The following DEPDC5 variants were observed in gnomAD, a reference collection of about 807,000 sequenced individuals.
DEPDC5 encodes GATOR1 complex protein DEPDC5.
A neutral mutation model predicts 217.3 loss-of-function variants in DEPDC5; 73 were observed. The observed-to-expected ratio is 0.34, with a 90% CI of 0.28 to 0.41. The LOEUF (loss-of-function observed/expected upper bound fraction) is 0.41, where lower values mean the gene tolerates loss of function less well. Ranked by LOEUF, DEPDC5 falls within the 10% of genes least tolerant of loss-of-function variation. DEPDC5 has a pLI of 1.00. For synonymous variants in DEPDC5, 733 were observed against 756.7 expected (o/e 0.97, Z 0.51); for missense variants, 1,675 against 2,070.1 (o/e 0.81, Z 3.70).
At chr22:31,819,315 C>T in intron 22 of DEPDC5, 90 bp downstream of exon 22, 2 of 1,383,630 alleles carry the variant, frequency 1.4e-6, no homozygotes, top group South Asian at 1.2e-5. Flanking sequence ...TGGTCAGGTG[C>T]CTCTGTTGCT....
Position 31,838,787 on chromosome 22 carries a change from A to G in DEPDC5, c.2457A>G (p.Thr819=). The part of the protein sequence containing the change: ...QGYQIIVQPK[T]QKPNPAVPPP... ...ACCAAATCATAGTGCAGCCCAAGAC[A>G]CAGAAACCCAATCCTGCTGTCCCGC... Residue 819 remains threonine (T), a synonymous_variant, in exon 27 of 43, where the codon ACA becomes ACG. Coordinates refer to ENST00000651528, the MANE Select transcript of DEPDC5 (RefSeq NM_001242896.3). 3 of 1,614,104 alleles carry G rather than the reference A, an allele frequency of 1.9e-6. No individual in the cohort carries two copies. Among genetic ancestry groups the G allele is most frequent in the Non-Finnish European group, 2.5e-6 (3 of 1,179,994 alleles).
intron 37 of DEPDC5, among the ~76,000 whole-genome samples, chr22:31,876,823 A>G (rs909950360): frequency 3.3e-5 from 5 of 152,200 alleles, no homozygotes; most frequent in Non-Finnish European, 5.9e-5. Flanking sequence ...TAGCGTGGTC[A>G]GAGCTGACTC....
At chr22:31,836,930 A>G (rs1479812461) in intron 25 of DEPDC5, 42 bp from the exon 26 acceptor site, 1 of 1,065,926 alleles carries the variant, frequency 9.4e-7, no homozygotes, top group Non-Finnish European at 1.2e-6. Flanking sequence ...CACACTTGCC[A>G]TGGTGACCAC....
At position 31,784,871 on chromosome 22, in the gene DEPDC5, G is replaced by T; in HGVS notation, c.620G>T (p.Trp207Leu). Residue 207 changes from tryptophan (W) to leucine (L), a missense_variant, in exon 10 of 43, where the codon TGG (tryptophan) becomes TTG (leucine). Transcript: ENST00000651528. ...TTCCTTGCTGATCTATTTACCAAGT[G>T]GAAGGTACATTTCTTCTTACACACT... The part of the protein sequence containing the change: ...NGFLADLFTK[W>L]KEKNCSHEVT... 6.2e-7 allele frequency: 1 copy of T among 1,612,268 alleles called. No homozygotes were observed.
chr22:31,893,533 C>T, intron 38 of DEPDC5, 49 bp from the exon 39 acceptor site: 1 of 1,458,626 alleles, frequency 6.9e-7, no homozygotes, highest in Non-Finnish European at 9.1e-7. Context: ...TCTTCTTCAT[C>T]CCACTCCTTT....
At chr22:31,779,046 G>C (rs1002519923) in intron 8 of DEPDC5, among the ~76,000 whole-genome samples, 2 of 152,092 alleles carry the variant, frequency 1.3e-5, no homozygotes, top group Non-Finnish European at 2.9e-5. Context: ...TGCATTGTGG[G>C]ATGGTTAGCA....
At chr22:31,780,994 T>C (rs1311949647) in intron 8 of DEPDC5, among the ~76,000 whole-genome samples, 2 of 151,804 alleles carry the variant, frequency 1.3e-5, no homozygotes, top group Non-Finnish European at 2.9e-5. Flanking sequence ...AGGCAGGTGG[T>C]TCACCTGATG....
At chr22:31,780,897 T>A (rs1258984889) in intron 8 of DEPDC5, among the ~76,000 whole-genome samples, 1 of 152,122 alleles carries the variant, frequency 6.6e-6, no homozygotes, top group African/African-American at 2.4e-5. Context: ...TGGAGTGAAA[T>A]ATTAGATAGG....
At chr22:31,889,696 A>C (rs1462106769) in intron 38 of DEPDC5, among the ~76,000 whole-genome samples, 2 of 151,814 alleles carry the variant, frequency 1.3e-5, no homozygotes, top group Non-Finnish European at 2.9e-5. Context: ...ACCCGCCACC[A>C]TGCCCGGCTA....
chr22:31,898,873 C>T (rs969138128), intron 40 of DEPDC5, among the ~76,000 whole-genome samples: 4 of 152,226 alleles, frequency 2.6e-5, no homozygotes, highest in African/African-American at 9.6e-5. Context: ...CCTTGAAACA[C>T]ACATGTTCTT....
At chr22:31,792,184 T>C (rs958058116) in intron 11 of DEPDC5, 82 bp downstream of exon 11, 4 of 1,053,994 alleles carry the variant, frequency 3.8e-6, no homozygotes, top group South Asian at 1.3e-5. Flanking sequence ...TTCATTTTTT[T>C]CCTCGTTGCA....
intron 40 of DEPDC5, among the ~76,000 whole-genome samples, chr22:31,900,292 C>A (rs1015468422): frequency 6.6e-6 from 1 of 151,962 alleles, no homozygotes; most frequent in African/African-American, 2.4e-5. Flanking sequence ...GGTGATCCAC[C>A]CACCTCAGCC....
chr22:31,888,509 C>T (rs1274465439), intron 38 of DEPDC5, among the ~76,000 whole-genome samples: 1 of 151,806 alleles, frequency 6.6e-6, no homozygotes, highest in Non-Finnish European at 1.5e-5. Flanking sequence ...GCCTTGGCCT[C>T]CCAAAGTGCT....
At chr22:31,841,905 CT>C (rs2091417893) in intron 27 of DEPDC5, among the ~76,000 whole-genome samples, 1 of 152,178 alleles carries the variant, frequency 6.6e-6, no homozygotes, top group Non-Finnish European at 1.5e-5. Context: ...AGAGGACTGC[CT>C]TTCATTTCTA....
chr22:31,850,752 AAAT>A (rs2091979574), intron 31 of DEPDC5, among the ~76,000 whole-genome samples: 1 of 152,188 alleles, frequency 6.6e-6, no homozygotes, highest in Admixed American at 6.5e-5. Context: ...TCTCAAAAAA[AAAT>A]TATAGTTAAT....
Position 31,843,631 on chromosome 22 carries a change from C to T in DEPDC5, c.2634-14C>T. On this transcript the variant is annotated splice_polypyrimidine_tract_variant and intron_variant, in intron 28 of 42. Coordinates refer to ENST00000651528, the MANE Select transcript of DEPDC5 (RefSeq NM_001242896.3). The stretch of plus-strand genomic sequence containing the variant: ...AACTCTTTTGAATTTGGGGACCTGC[C>T]CTTTATTTTGCAGGTATCCTTATGA... The T allele has an allele frequency of 6.3e-7, 1 of 1,586,306 alleles. No homozygotes were observed. Among genetic ancestry groups the T allele is most frequent in the East Asian group, 2.3e-5 (1 of 44,144 alleles).
In DEPDC5 at chr22:31,822,628, A is replaced by G. The variant is rs117981382; in HGVS notation, c.2007-65A>G. ...AACCTACCTCCCACCCCCGGGATAT[A>G]GGTGAGCAGGAAAAAGAGGTGATGA... On this transcript the variant is annotated intron_variant, in intron 23 of 42. Transcript: ENST00000651528. 6.2e-4 allele frequency: 932 copies of G among 1,513,894 alleles called. 8 individuals are homozygous for G. In the East Asian group the frequency reaches 0.019, roughly 31 times the overall value. 93.8% of individuals were successfully genotyped at this position (1,513,894 alleles called of 1,614,324 possible).
At chr22:31,768,170 C>A (rs987399697) in intron 6 of DEPDC5, among the ~76,000 whole-genome samples, 1 of 149,700 alleles carries the variant, frequency 6.7e-6, no homozygotes, top group East Asian at 1.9e-4. Context: ...AATGGTGATT[C>A]GTGAGATTTT....
intron 24 of DEPDC5, among the ~76,000 whole-genome samples, chr22:31,827,437 G>A (rs566565739): frequency 6.6e-6 from 1 of 152,266 alleles, no homozygotes; most frequent in East Asian, 1.9e-4. Context: ...ATCAGTCTTA[G>A]CCTGGCCTAA....
Sources: allele counts gnomAD v4.1 joint callset (sites outside exome capture counted in the v4.1 genomes callset), GRCh38; gene constraint gnomAD v4.1.1; transcripts MANE v1.5; gene names NCBI Gene and HGNC (gene_info 2026-07-23, HGNC 2026-07-21).